Variants in COL10A1 observed in about 807,000 individuals in gnomAD.
The protein encoded by COL10A1 is collagen type X alpha 1 chain.
A neutral mutation model predicts 18.2 loss-of-function variants in COL10A1; 10 were observed. The observed-to-expected ratio is 0.55, with a 90% confidence interval of 0.34 to 0.93. The LOEUF (loss-of-function observed/expected upper bound fraction) is 0.93. Ranked by LOEUF, COL10A1 falls within the 40% of genes least tolerant of loss-of-function variation. The pLI is 0.02. For missense variants in COL10A1, 897 were observed against 853.5 expected (o/e 1.05, Z -0.64); for synonymous variants, 330 against 316.6 (o/e 1.04, Z -0.45).
At chr6:116,142,539 T>G (rs953052397) in intron 1 of COL10A1, among the ~76,000 whole-genome samples, 13 of 152,128 alleles carry the variant, frequency 8.5e-5, no homozygotes, top group African/African-American at 3.1e-4. Context: ...CATCTGAAAA[T>G]AAACATATAC....
chr6:116,208,884 A>G, the COL10A1 span, among the ~76,000 whole-genome samples: 6 of 152,010 alleles, frequency 3.9e-5, no homozygotes, highest in Non-Finnish European at 7.4e-5. Context: ...GAATATACTA[A>G]TAGAGAACCC....
intron 1 of COL10A1, among the ~76,000 whole-genome samples, chr6:116,135,986 A>G (rs1779590799): frequency 6.6e-6 from 1 of 151,738 alleles, no homozygotes; most frequent in Admixed American, 6.6e-5. Flanking sequence ...TAAGTATATG[A>G]TACAGTATCT....
the COL10A1 span, among the ~76,000 whole-genome samples, chr6:116,214,245 C>T: frequency 1.3e-5 from 2 of 151,942 alleles, no homozygotes; most frequent in Non-Finnish European, 1.5e-5. Context: ...TCAAATAGTA[C>T]ACTGAAAAAA....
chr6:116,152,146 C>T (rs948328518), intron 1 of COL10A1, among the ~76,000 whole-genome samples: 2 of 152,098 alleles, frequency 1.3e-5, no homozygotes, highest in African/African-American at 4.8e-5. Flanking sequence ...GCAGTGCCTT[C>T]GTTTTCATTA....
the COL10A1 span, among the ~76,000 whole-genome samples, chr6:116,178,112 T>TGCGCGCGCGCGC: frequency 1.1e-5 from 1 of 90,782 alleles, no homozygotes; most frequent in African/African-American, 4.5e-5. Flanking sequence ...CGTGCGTGCG[T>TGCGCGCGCGCGC]GTGTGTGTGT....
At chr6:116,157,100 C>T (rs1413014570) in intron 1 of COL10A1, among the ~76,000 whole-genome samples, 1 of 152,200 alleles carries the variant, frequency 6.6e-6, no homozygotes, top group Non-Finnish European at 1.5e-5. Flanking sequence ...GCTGCAATTA[C>T]ATGGATTATT....
At chr6:116,144,499 C>CA (rs542743486) in intron 1 of COL10A1, among the ~76,000 whole-genome samples, 654 of 124,872 alleles carry the variant, frequency 5.2e-3, no homozygotes, top group East Asian at 0.034. Flanking sequence ...GACTCCGTCT[C>CA]AAAAAAAAAA....
At chr6:116,192,306 A>G in the COL10A1 span, among the ~76,000 whole-genome samples, 1 of 151,980 alleles carries the variant, frequency 6.6e-6, no homozygotes, top group Admixed American at 6.6e-5. Context: ...AGGAGCTCTC[A>G]ATAAATATCA....
intron 1 of COL10A1, among the ~76,000 whole-genome samples, chr6:116,150,667 C>G (rs1294529709): frequency 1.3e-5 from 2 of 152,146 alleles, no homozygotes; most frequent in African/African-American, 2.4e-5. Context: ...CTTTACCTAA[C>G]TTTCAGAGAT....
the COL10A1 span, among the ~76,000 whole-genome samples, chr6:116,205,700 G>A: frequency 6.7e-4 from 102 of 151,996 alleles, no homozygotes; most frequent in African/African-American, 2.4e-3. Flanking sequence ...TATTAAAAGG[G>A]TACATTTTAA....
At chr6:116,154,175 T>C (rs961173007) in intron 1 of COL10A1, among the ~76,000 whole-genome samples, 1 of 152,136 alleles carries the variant, frequency 6.6e-6, no homozygotes, top group African/African-American at 2.4e-5. Flanking sequence ...GTCTATTGAT[T>C]TTACTTTTGG....
chr6:116,166,436 C>A, the COL10A1 span, among the ~76,000 whole-genome samples: 2 of 152,148 alleles, frequency 1.3e-5, no homozygotes, highest in Admixed American at 6.5e-5. Context: ...AACAAAGGTG[C>A]TAAGAAATCA....
chr6:116,127,669 A>G (rs1471892899), upstream of COL10A1, among the ~76,000 whole-genome samples: 2 of 152,146 alleles, frequency 1.3e-5, no homozygotes, highest in African/African-American at 4.8e-5. Context: ...ATGCTTTTGA[A>G]TGCTAGGTTG....
intron 1 of COL10A1, among the ~76,000 whole-genome samples, chr6:116,131,536 A>G (rs1779465328): frequency 6.6e-6 from 1 of 152,210 alleles, no homozygotes; most frequent in Non-Finnish European, 1.5e-5. Context: ...AGATCATTGC[A>G]GAACATTGTG....
chr6:116,148,817 G>C (rs960609972), intron 1 of COL10A1, among the ~76,000 whole-genome samples: 1 of 152,126 alleles, frequency 6.6e-6, no homozygotes, highest in African/African-American at 2.4e-5. Context: ...TTACAGGTAA[G>C]TCATTTCTAT....
chr6:116,178,830 A>G, the COL10A1 span, among the ~76,000 whole-genome samples: 3 of 152,338 alleles, frequency 2.0e-5, no homozygotes, highest in East Asian at 5.8e-4. Context: ...CCCAACTCCC[A>G]GTAAATTTGC....
the COL10A1 span, among the ~76,000 whole-genome samples, chr6:116,212,444 T>C: frequency 1.3e-5 from 2 of 152,126 alleles, no homozygotes; most frequent in Non-Finnish European, 2.9e-5. Context: ...CAAGTAATCC[T>C]TTGTGATTAT....
intron 1 of COL10A1, among the ~76,000 whole-genome samples, chr6:116,138,834 T>G (rs1779690623): frequency 6.6e-6 from 1 of 152,120 alleles, no homozygotes; most frequent in Non-Finnish European, 1.5e-5. Flanking sequence ...ACAACTATGA[T>G]ATTGAGAGAG....
the COL10A1 span, among the ~76,000 whole-genome samples, chr6:116,171,003 C>T: frequency 6.6e-6 from 1 of 152,128 alleles, no homozygotes; most frequent in Non-Finnish European, 1.5e-5. Context: ...TAGCCTGTTA[C>T]CACCCTACCA....
Sources: allele counts gnomAD v4.1 joint callset (sites outside exome capture counted in the v4.1 genomes callset), GRCh38; gene constraint gnomAD v4.1.1; transcripts MANE v1.5; gene names NCBI Gene and HGNC (gene_info 2026-07-23, HGNC 2026-07-21).